Variants in HYOU1 observed in about 807,000 individuals in gnomAD.
The protein encoded by HYOU1 is hypoxia up-regulated 1.
A neutral mutation model predicts 120.5 loss-of-function variants in HYOU1; 40 were observed. The observed-to-expected ratio is 0.33, with a 90% confidence interval of 0.26 to 0.43. The LOEUF is 0.43. Ranked by LOEUF, HYOU1 falls within the 20% of genes least tolerant of loss-of-function variation. HYOU1 has a pLI of 1.00. For missense variants in HYOU1, 1,085 were observed against 1,278.3 expected (o/e 0.85, Z 2.31); for synonymous variants, 501 against 479.4 (o/e 1.05, Z -0.59).
chr11:119,048,353 G>C lies in HYOU1; in HGVS notation c.2271C>G (p.Pro757=). The stretch of plus-strand genomic sequence containing the variant: ...CCTCTGTGGACACTTCCTGGTACTC[G>C]GGCTGGTACAGCTTGTCCTGGGGAG... ...IFETQDKLYQ[P]EYQEVSTEEQ... is the part of the protein sequence containing the mutation. Residue 757 remains proline, a synonymous_variant, in exon 20 of 26, where the codon CCC becomes CCG. Transcript: ENST00000617285. This position sits in a 1 kb window ranked among gnomAD's most constrained non-coding sequence, Gnocchi z 4.7. The C allele has an allele frequency of 6.2e-7, 1 of 1,609,516 alleles. No individual in the cohort carries two copies. The highest frequency in any genetic ancestry group is 8.5e-7 in the Non-Finnish European group (1 of 1,179,924).
Position 119,048,544 on chromosome 11 carries a change from G to C in HYOU1, c.2185C>G (p.Arg729Gly), listed in dbSNP as rs372068451. The change falls in exon 19 of 26, where the codon CGA becomes GGA. Residue 729 changes from arginine (R) to glycine (G), a missense_variant. By Grantham distance (125) the Arg-to-Gly change is moderately radical (BLOSUM62 -2). Transcript: ENST00000617285. This position sits in a 1 kb window ranked among gnomAD's most constrained non-coding sequence, Gnocchi z 4.7. Reference sequence around the variant, plus strand: ...TCCCGTTCCTGCTTCTCCAGGTCTCGGAGTGTCAAGTCCTGAAGTCTATGG... The same window carrying C: ...TCCCGTTCCTGCTTCTCCAGGTCTCCGAGTGTCAAGTCCTGAAGTCTATGG... ...SVQKLQDLTL[R>G]DLEKQEREKA... 3.7e-6 allele frequency: 6 copies of C among 1,613,862 alleles called. No individual in the cohort carries two copies. Among genetic ancestry groups the C allele is most frequent in the Non-Finnish European group, 4.2e-6 (5 of 1,179,990 alleles).
chr11:119,051,596 C>A lies in HYOU1; in HGVS notation c.1368G>T (p.Glu456Asp), dbSNP rs2133586181. 1.5e-5 allele frequency: 25 copies of A among 1,614,004 alleles called. No homozygotes were observed. Among genetic ancestry groups the A allele is most frequent in the Non-Finnish European group, 1.9e-5 (23 of 1,180,016 alleles). Residue 456 changes from glutamate to aspartate, a missense_variant, in exon 13 of 26, where the codon GAG (glutamate) becomes GAT (aspartate). Physicochemically the swap from Glu to Asp is conservative, Grantham distance 45 (BLOSUM62 2). Around this residue, in one of 4 missense-constraint regions of HYOU1, gnomAD observed 515 missense variants for 677.8 expected, o/e 0.76. Coordinates refer to ENST00000617285, the MANE Select transcript of HYOU1 (RefSeq NM_006389.5). This position sits in a 1 kb window ranked among gnomAD's most constrained non-coding sequence, Gnocchi z 4.2. The part of the protein sequence containing the change: ...LVEFTREVEE[E>D]PGIHSLKHNK... ...TGTGCTTCAGGCTGTGAATCCCAGG[C>A]TCCTCCTCCACCTCCCTCGTGAACT...
rs2133591881 is a variant in HYOU1 at position 119,052,314 on chromosome 11, T to C, written c.1103A>G (p.Gln368Arg). Residue 368 changes from glutamine to arginine, a missense_variant, in exon 10 of 26, where the codon CAG becomes CGG. Physicochemically the swap from Gln to Arg is conservative, Grantham distance 43 (BLOSUM62 1). Transcript: ENST00000617285. This position sits in a 1 kb window ranked among gnomAD's most constrained non-coding sequence, Gnocchi z 5.0. ...GCTCACCAGACTCATTTCGGCACTC[T>C]GGAGGGCCTGCTGTACAGGCCCAGG... ...RVPGPVQQAL[Q>R]SAEMSLDEIE... 1.2e-6 allele frequency: 2 copies of C among 1,614,256 alleles called. No homozygotes were observed. The highest frequency in any genetic ancestry group is 1.7e-6 in the Non-Finnish European group (2 of 1,180,044).
intron 24 of HYOU1, among the ~76,000 whole-genome samples, 183 bp from the exon 25 acceptor site, chr11:119,046,014 T>A (rs1338253271): frequency 6.6e-6 from 1 of 152,150 alleles, no homozygotes; most frequent in Non-Finnish European, 1.5e-5. Context: ...GAGTGCAGAG[T>A]GCAGTGGCGC....
chr11:119,053,064 T>C (rs1592150391), intron 8 of HYOU1: 3 of 468,098 alleles, frequency 6.4e-6, no homozygotes, highest in Non-Finnish European at 1.1e-5. Context: ...GCATTACTTA[T>C]GTACTTCCCT....
chr11:119,050,932 C>T, intron 14 of HYOU1, 103 bp downstream of exon 14: 8 of 1,385,588 alleles, frequency 5.8e-6, no homozygotes, highest in South Asian at 2.7e-5. Flanking sequence ...ATTCCTAAAC[C>T]TTTTTTGGTT....
At position 119,051,212 on chromosome 11, in the gene HYOU1, C is replaced by T. The variant is rs2133583503; in HGVS notation, c.1527-39G>A. The stretch of plus-strand genomic sequence containing the variant: ...AAAGAGGAGTTCAGGGGGACCCACC[C>T]CAGCCCATCTCGCCCTCTAGACTAC... On this transcript the variant is annotated intron_variant, in intron 13 of 25. Transcript: ENST00000617285. The surrounding 1 kb of genome is among the most constrained non-coding windows in gnomAD (Gnocchi z 4.2). 26 of 1,612,412 alleles carry T rather than the reference C, an allele frequency of 1.6e-5. No homozygotes were observed. In the African/African-American group the frequency reaches 3.1e-4, roughly 19 times the overall value.
Position 119,046,761 on chromosome 11 carries a change from G to T in HYOU1, c.2637C>A (p.Pro879=). The stretch of plus-strand genomic sequence containing the variant: ...AGAGCAACACAGGCTTCTCTGTGGC[G>T]GGCAGCTTAGCCTGCTCGGCCAGAG... The part of the protein sequence containing the change: ...NATLAEQAKL[P]ATEKPVLLSK... Residue 879 remains proline, a synonymous_variant, in exon 23 of 26, where the codon CCC becomes CCA. Transcript: ENST00000617285. 6.2e-7 allele frequency: 1 copy of T among 1,603,868 alleles called. No homozygotes were observed.
rs2133603492 is a variant in HYOU1, at chr11:119,054,207, G to A, written c.708C>T (p.Gly236=). ...QNIMFYDMGS[G]STVCTIVTYQ... ...AGGTCACAATGGTGCATACGGTGCTGCCTGAGCCCATGTCATAGAACATGA... is the reference window on the plus strand; with the variant it reads ...AGGTCACAATGGTGCATACGGTGCTACCTGAGCCCATGTCATAGAACATGA... The change falls in exon 8 of 26, where the codon GGC becomes GGT. Residue 236 remains glycine (G), a synonymous_variant. Coordinates refer to ENST00000617285, the MANE Select transcript of HYOU1 (RefSeq NM_006389.5). The A allele has an allele frequency of 1.2e-6, 2 of 1,613,874 alleles. No individual in the cohort carries two copies.
Position 119,052,363 on chromosome 11 carries a change from A to G in HYOU1, c.1054T>C (p.Cys352Arg). ...KVTRVEFEEL[C>R]ADLFERVPGP... ...GGCACCCGCTCAAACAAGTCTGCAC[A>G]CAACTCCTCAAATTCCACACGAGTC... The change falls in exon 10 of 26, where the codon TGT becomes CGT. Residue 352 changes from cysteine to arginine, a missense_variant. Physicochemically the swap from Cys to Arg is radical, Grantham distance 180. Around this residue, in one of 4 missense-constraint regions of HYOU1, gnomAD observed 515 missense variants for 677.8 expected, o/e 0.76. Coordinates refer to ENST00000617285, the MANE Select transcript of HYOU1 (RefSeq NM_006389.5). The surrounding 1 kb of genome is among the most constrained non-coding windows in gnomAD (Gnocchi z 5.0). 1 of 1,614,194 alleles carries G rather than the reference A, an allele frequency of 6.2e-7. No individual in the cohort carries two copies. The highest frequency in any genetic ancestry group is 8.5e-7 in the Non-Finnish European group (1 of 1,180,022).
At position 119,048,372 on chromosome 11, in the gene HYOU1, T is replaced by TG. The variant is rs2133563341; in HGVS notation, c.2254-3dup. 34 of 1,609,480 alleles carry TG rather than the reference T, an allele frequency of 2.1e-5. No homozygotes were observed. The highest frequency in any genetic ancestry group is 2.7e-5 in the Non-Finnish European group (32 of 1,179,822). The stretch of plus-strand genomic sequence containing the variant: ...GTACTCGGGCTGGTACAGCTTGTCC[T>TG]GGGGAGGGGGACATGTAAACACATG... On this transcript the variant is annotated splice_polypyrimidine_tract_variant and splice_region_variant and intron_variant, in intron 19 of 25. Transcript: ENST00000617285. The surrounding 1 kb of genome is among the most constrained non-coding windows in gnomAD (Gnocchi z 4.7).
In HYOU1 at chr11:119,052,501, A is replaced by T; in HGVS notation, c.988-72T>A. The T allele has an allele frequency of 6.2e-7, 1 of 1,607,320 alleles. No individual in the cohort carries two copies. On this transcript the variant is annotated intron_variant, in intron 9 of 25. Coordinates refer to ENST00000617285, the MANE Select transcript of HYOU1 (RefSeq NM_006389.5). This position sits in a 1 kb window ranked among gnomAD's most constrained non-coding sequence, Gnocchi z 5.0. ...TCTCTTGGTGAGTAGGACAGAAACA[A>T]AAAGAATAGGTCTTTGGGAGGATGG...
rs782794031 is a variant in HYOU1, at chr11:119,056,273, T to C, written c.-7-106A>G. On this transcript the variant is annotated intron_variant, in intron 1 of 25. Transcript: ENST00000617285. Reference sequence around the variant, plus strand: ...GCTGTAAGATTCATATCTACTTCATTCTTACCCAGGGCAGATCAGCCTACT... The same window carrying C: ...GCTGTAAGATTCATATCTACTTCATCCTTACCCAGGGCAGATCAGCCTACT... 7.4e-6 allele frequency: 6 copies of C among 815,690 alleles called. No homozygotes were observed. In the African/African-American group the frequency reaches 1.0e-4, roughly 14 times the overall value. The allele number at this position is 815,690 out of a possible 1,614,324, so 50.5% of individuals were successfully genotyped here.
Position 119,052,191 on chromosome 11 carries a change from A to G in HYOU1, c.1123-19T>C, listed in dbSNP as rs2133591032. ...TCTCATCCTGCAGTGGGTAAGAATG[A>G]CAGGTGCAACAGCATGCAGTTAGCA... On this transcript the variant is annotated intron_variant, in intron 10 of 25. Transcript: ENST00000617285. This position sits in a 1 kb window ranked among gnomAD's most constrained non-coding sequence, Gnocchi z 5.0. The G allele has an allele frequency of 7.5e-5, 121 of 1,613,992 alleles. No individual in the cohort carries two copies. Among genetic ancestry groups the G allele is most frequent in the Non-Finnish European group, 1.0e-4 (118 of 1,179,900 alleles).
intron 25 of HYOU1, 42 bp from the exon 26 acceptor site, chr11:119,045,696 A>T: frequency 6.2e-7 from 1 of 1,613,404 alleles, no homozygotes; most frequent in Admixed American, 1.7e-5. Flanking sequence ...CCGCAGGTGA[A>T]ACAGAGGAAC....
At chr11:119,047,639 G>C in intron 22 of HYOU1, 95 bp downstream of exon 22, 1 of 1,023,186 alleles carries the variant, frequency 9.8e-7, no homozygotes, top group Non-Finnish European at 1.5e-6. Context: ...TGCTAAGCCA[G>C]GAGGCAGGGG....
rs2133569002 is a variant in HYOU1 at position 119,049,012 on chromosome 11, G to A, written c.1992+6C>T. The A allele has an allele frequency of 3.0e-5, 48 of 1,613,768 alleles. No individual in the cohort carries two copies. Among genetic ancestry groups the A allele is most frequent in the Non-Finnish European group, 3.7e-5 (44 of 1,179,780 alleles). On this transcript the variant is annotated splice_donor_region_variant and intron_variant, in intron 17 of 25. Transcript: ENST00000617285. ...TCCACACTGGCCTTCCTCTGCCACA[G>A]CTCACCTGGGCCTCAGACTTGTCCC...
Position 119,045,449 on chromosome 11 carries a change from C to G in HYOU1, c.*144G>C, listed in dbSNP as rs1009667489. ...AACCAGTGAGCTGTCCCTCCCTTCC[C>G]CTTCTCCACACCTCCAAATCACAGG... On this transcript the variant is annotated 3_prime_UTR_variant, in exon 26 of 26. Coordinates refer to ENST00000617285, the MANE Select transcript of HYOU1 (RefSeq NM_006389.5). The G allele has an allele frequency of 3.8e-6, 3 of 794,594 alleles. No homozygotes were observed. Among genetic ancestry groups the G allele is most frequent in the Non-Finnish European group, 6.7e-6 (3 of 448,974 alleles). The allele number at this position is 794,594 out of a possible 1,614,324, so 49.2% of individuals were successfully genotyped here.
In HYOU1 at chr11:119,045,536, T is replaced by C; in HGVS notation, c.*57A>G. On this transcript the variant is annotated 3_prime_UTR_variant, in exon 26 of 26. Coordinates refer to ENST00000617285, the MANE Select transcript of HYOU1 (RefSeq NM_006389.5). ...CCCTCCCCCAACCCTCGATGTTAAA[T>C]AAATAGAAGTGGTGGGGGAAGGGGG... 6.9e-7 allele frequency: 1 copy of C among 1,442,280 alleles called. No individual in the cohort carries two copies. Among genetic ancestry groups the C allele is most frequent in the Non-Finnish European group, 9.8e-7 (1 of 1,023,068 alleles). The allele number at this position is 1,442,280 out of a possible 1,614,324, so 89.3% of individuals were successfully genotyped here. A position where few individuals can be genotyped will look rare whatever the true frequency, so the allele number is the denominator to read the frequency against.
Sources: allele counts gnomAD v4.1 joint callset (sites outside exome capture counted in the v4.1 genomes callset), GRCh38; gene constraint gnomAD v4.1.1; regional missense constraint gnomAD v4.1.1; non-coding constraint Gnocchi (gnomAD v3.1); transcripts MANE v1.5; gene names NCBI Gene and HGNC (gene_info 2026-07-23, HGNC 2026-07-21).